SASS6: variants seen among roughly 807,000 people sequenced by gnomAD.
SASS6 encodes the protein spindle assembly abnormal protein 6 homolog.
Under a neutral mutation model 94.9 loss-of-function variants are expected in SASS6, and 59 were observed. That is an observed-to-expected ratio of 0.62 (90% CI 0.50 to 0.77). The LOEUF (loss-of-function observed/expected upper bound fraction) is 0.77. Ranked by LOEUF, SASS6 falls within the 30% of genes least tolerant of loss-of-function variation. SASS6 has a pLI of 0.00. For missense variants in SASS6, 698 were observed against 734.1 expected (o/e 0.95, Z 0.57); for synonymous variants, 264 against 270.0 (o/e 0.98, Z 0.22).
At position 100,083,958 on chromosome 1, in the gene SASS6, C is replaced by A. The variant is rs1402399536; in HGVS notation, c.*1370G>T. On this transcript the variant is annotated 3_prime_UTR_variant, in exon 17 of 17. Coordinates refer to ENST00000287482, the MANE Select transcript of SASS6 (RefSeq NM_194292.3). ...AGCTCCTTCCAAAATCACCAAGAGG[C>A]TTCTTTCCAGAATAGCAAGTGCTTT... is the stretch of plus-strand genomic sequence containing the variant. 3 of 151,914 alleles carry A rather than the reference C, an allele frequency of 2.0e-5. No individual in the cohort carries two copies. The highest frequency in any genetic ancestry group is 7.2e-5 in the African/African-American group (3 of 41,402). The allele number at this position is 151,914 out of a possible 1,614,324, so 9.4% of individuals were successfully genotyped here.
At chr1:100,102,756 C>T (rs1025685197) in intron 14 of SASS6, among the ~76,000 whole-genome samples, 199 bp downstream of exon 14, 1 of 149,716 alleles carries the variant, frequency 6.7e-6, no homozygotes. Flanking sequence ...TTAGAAATTA[C>T]AGTGACTCAA....
In SASS6 at chr1:100,085,590, T is replaced by C. The variant is rs1358780974; in HGVS notation, c.1813A>G (p.Arg605Gly). The C allele has an allele frequency of 6.2e-7, 1 of 1,612,542 alleles. No homozygotes were observed. The highest frequency in any genetic ancestry group is 1.1e-5 in the South Asian group (1 of 90,982). Residue 605 changes from arginine (R) to glycine (G), a missense_variant, in exon 16 of 17, where the codon AGG (arginine) becomes GGG (glycine). Arg to Gly is a moderately radical substitution (Grantham distance 125). Transcript: ENST00000287482. ...CCGCGTAAAGGAATGCTATCTTCCC[T>C]TTTCTTCAGGTATTTGGATTCCAAC... ...VGLESKYLKK[R>G]EDSIPLRGLS...
intron 14 of SASS6, among the ~76,000 whole-genome samples, chr1:100,095,231 T>C (rs1288496296): frequency 6.6e-6 from 1 of 151,986 alleles, no homozygotes; most frequent in Non-Finnish European, 1.5e-5. Flanking sequence ...TCACATTTAT[T>C]TAAACTGCAC....
intron 15 of SASS6, among the ~76,000 whole-genome samples, chr1:100,087,095 A>G (rs1007308364): frequency 2.0e-5 from 3 of 152,124 alleles, no homozygotes; most frequent in Non-Finnish European, 4.4e-5. Context: ...AGCGATTCTC[A>G]TGCTTCAGCC....
intron 14 of SASS6, among the ~76,000 whole-genome samples, 182 bp downstream of exon 14, chr1:100,102,773 T>C (rs1366338491): frequency 2.0e-5 from 3 of 151,518 alleles, no homozygotes; most frequent in South Asian, 2.1e-4. Flanking sequence ...TCAAGAAATA[T>C]ATAGTGCATA....
intron 14 of SASS6, among the ~76,000 whole-genome samples, chr1:100,098,128 AAAGG>A (rs1446210891): frequency 3.9e-5 from 6 of 152,248 alleles, no homozygotes; most frequent in African/African-American, 4.8e-5. Context: ...AAATTTTTAA[AAAGG>A]AAGTATAATG....
intron 14 of SASS6, 66 bp from the exon 15 acceptor site, chr1:100,088,302 G>A (rs1651449525): frequency 1.3e-6 from 1 of 799,666 alleles, no homozygotes; most frequent in East Asian, 2.5e-5. Context: ...GGGCAGAGGG[G>A]GGATTTTAAA....
At chr1:100,120,724 T>C (rs1654125848) in intron 5 of SASS6, among the ~76,000 whole-genome samples, 1 of 152,188 alleles carries the variant, frequency 6.6e-6, no homozygotes, top group Non-Finnish European at 1.5e-5. Context: ...ACTTTATAAT[T>C]TTCAAGACAT....
chr1:100,084,380 T>G lies in SASS6; in HGVS notation c.*948A>C, dbSNP rs1651076214. The G allele has an allele frequency of 1.3e-5, 2 of 152,016 alleles. No homozygotes were observed. Among genetic ancestry groups the G allele is most frequent in the African/African-American group, 4.8e-5 (2 of 41,424 alleles). 9.4% of individuals were successfully genotyped at this position (152,016 alleles called of 1,614,324 possible). A position where few individuals can be genotyped will look rare whatever the true frequency, so the allele number is the denominator to read the frequency against. Reference sequence around the variant, plus strand: ...TGAGGCCCTATGATTCTAGGTGAATTTTAAAAAAATTTTTCCCCAAGGAAC... The same window carrying G: ...TGAGGCCCTATGATTCTAGGTGAATGTTAAAAAAATTTTTCCCCAAGGAAC... On this transcript the variant is annotated 3_prime_UTR_variant, in exon 17 of 17. Transcript: ENST00000287482.
At chr1:100,109,338 G>A (rs1198303141) in intron 8 of SASS6, among the ~76,000 whole-genome samples, 1 of 151,986 alleles carries the variant, frequency 6.6e-6, no homozygotes, top group African/African-American at 2.4e-5. Flanking sequence ...AATAACACTG[G>A]TAACTTTGGT....
intron 14 of SASS6, among the ~76,000 whole-genome samples, chr1:100,098,874 T>C (rs1299376695): frequency 6.6e-6 from 1 of 152,190 alleles, no homozygotes; most frequent in Non-Finnish European, 1.5e-5. Flanking sequence ...AAAACACTCA[T>C]ATATTTGAAC....
intron 14 of SASS6, among the ~76,000 whole-genome samples, chr1:100,102,420 C>A (rs962794564): frequency 6.6e-6 from 1 of 151,968 alleles, no homozygotes; most frequent in African/African-American, 2.4e-5. Flanking sequence ...CTCAGGCCTG[C>A]AATCCCAGCA....
chr1:100,091,866 A>C (rs923523154), intron 14 of SASS6, among the ~76,000 whole-genome samples: 7 of 151,432 alleles, frequency 4.6e-5, no homozygotes, highest in African/African-American at 1.7e-4. Flanking sequence ...TAAAAGAAAG[A>C]AGAGTGTTCT....
chr1:100,107,258 GTTCTT>G, intron 11 of SASS6, 111 bp downstream of exon 11: 1 of 679,478 alleles, frequency 1.5e-6, no homozygotes, highest in Non-Finnish European at 2.5e-6. Flanking sequence ...ATCTAGTCAT[GTTCTT>G]TTGTTAAAAA....
chr1:100,094,434 A>G (rs549866959), intron 14 of SASS6, among the ~76,000 whole-genome samples: 1 of 152,356 alleles, frequency 6.6e-6, no homozygotes, highest in African/African-American at 2.4e-5. Flanking sequence ...AAGAGAAAAG[A>G]CAGTTTCCTG....
At chr1:100,125,998 C>T in intron 1 of SASS6, 56 bp from the exon 2 acceptor site, 1 of 871,404 alleles carries the variant, frequency 1.1e-6, no homozygotes, top group South Asian at 1.6e-5. Flanking sequence ...TGAGTTATCA[C>T]TATCATTTGT....
chr1:100,131,037 G>A lies in SASS6; in HGVS notation c.65+1713C>T, dbSNP rs191428883. Among the ~76,000 whole-genome samples the A allele has an allele frequency of 2.0e-5, 3 of 152,344 alleles. No homozygotes were observed. In the East Asian group the frequency reaches 5.8e-4, roughly 29 times the overall value. Reference sequence around the variant, plus strand: ...TTTTTAGATTAACTGTGATGGCAATGTAACCAGAAAGAGACCATCTAGGAG... The same window carrying A: ...TTTTTAGATTAACTGTGATGGCAATATAACCAGAAAGAGACCATCTAGGAG... On this transcript the variant is annotated intron_variant, in intron 1 of 16. Transcript: ENST00000287482.
At position 100,110,289 on chromosome 1, in the gene SASS6, T is replaced by A. The variant is rs765144860; in HGVS notation, c.861+3A>T. The stretch of plus-strand genomic sequence containing the variant: ...GGGGAGGAAAAAAAACAACATTCAA[T>A]ACCTCTTCAACACCAGAAAGTTTTG... On this transcript the variant is annotated splice_donor_region_variant and intron_variant, in intron 8 of 16. Transcript: ENST00000287482. 8 of 1,533,532 alleles carry A rather than the reference T, an allele frequency of 5.2e-6. No homozygotes were observed. The highest frequency in any genetic ancestry group is 6.1e-6 in the Non-Finnish European group (7 of 1,140,496). The allele number at this position is 1,533,532 out of a possible 1,614,324, so 95.0% of individuals were successfully genotyped here.
chr1:100,086,504 AAT>A (rs1201850019), intron 15 of SASS6, among the ~76,000 whole-genome samples: 5 of 138,068 alleles, frequency 3.6e-5, no homozygotes, highest in African/African-American at 1.4e-4. Flanking sequence ...CTCTGTCTAT[AAT>A]GATTTGATTT....
Sources: allele counts gnomAD v4.1 joint callset (sites outside exome capture counted in the v4.1 genomes callset), GRCh38; gene constraint gnomAD v4.1.1; transcripts MANE v1.5; gene names NCBI Gene and HGNC (gene_info 2026-07-23, HGNC 2026-07-21).